Variants in KCNK12 observed in about 807,000 individuals in gnomAD.
KCNK12 encodes potassium two pore domain channel subfamily K member 12, also known as potassium channel subfamily K member 12.
A neutral mutation model predicts 25.3 loss-of-function variants in KCNK12; 6 were observed. That is an observed-to-expected ratio of 0.24 (90% CI 0.13 to 0.47). The LOEUF (loss-of-function observed/expected upper bound fraction) is 0.47, where lower values mean the gene tolerates loss of function less well. Among genes scored for constraint, KCNK12 ranks in the 20% least tolerant of loss-of-function variants. The pLI is 0.99. For synonymous variants in KCNK12, 331 were observed against 311.1 expected (o/e 1.06, Z -0.67); for missense variants, 444 against 661.7 (o/e 0.67, Z 3.61).
intron 1 of KCNK12, among the ~76,000 whole-genome samples, chr2:47,523,027 CTCT>C (rs926079785): frequency 1.3e-5 from 2 of 152,236 alleles, no homozygotes; most frequent in Non-Finnish European, 2.9e-5. Context: ...ACTGCAGCTC[CTCT>C]TCTTTCCTCA....
intron 1 of KCNK12, among the ~76,000 whole-genome samples, chr2:47,558,603 G>A (rs1022427056): frequency 2.6e-5 from 4 of 152,198 alleles, no homozygotes; most frequent in Non-Finnish European, 5.9e-5. Flanking sequence ...GCAGGTCCTG[G>A]TGTTAGCAGC....
chr2:47,568,219 CAAG>C (rs564027904), intron 1 of KCNK12, among the ~76,000 whole-genome samples: 18 of 151,620 alleles, frequency 1.2e-4, no homozygotes, highest in African/African-American at 4.1e-4. Context: ...GGCGTGTTTA[CAAG>C]AAGAAGAGCA....
intron 1 of KCNK12, among the ~76,000 whole-genome samples, chr2:47,536,760 G>A (rs1048551433): frequency 1.3e-5 from 2 of 152,208 alleles, no homozygotes; most frequent in East Asian, 3.8e-4. Context: ...GATTTATGGA[G>A]GACTTAAGGA....
chr2:47,562,843 T>C lies in KCNK12; in HGVS notation c.391+7098A>G, dbSNP rs1396846932. 8.6e-6 allele frequency: 2 copies of C among 232,944 alleles called. No homozygotes were observed. The highest frequency in any genetic ancestry group is 2.2e-5 in the African/African-American group (1 of 45,298). The allele number at this position is 232,944 out of a possible 1,614,324, so 14.4% of individuals were successfully genotyped here. On this transcript the variant is annotated intron_variant, in intron 1 of 1. Transcript: ENST00000327876. This position sits in a 1 kb window ranked among gnomAD's most constrained non-coding sequence, Gnocchi z 4.8. ...TATGACCGTGTCTCTTAAAAAAACT[T>C]TGGTGAGGATCAGAGGCTGGACTCT...
Position 47,521,601 on chromosome 2 carries a change from A to G in KCNK12, c.599T>C (p.Leu200Pro), listed in dbSNP as rs1198593175. Reference sequence around the variant, plus strand: ...GCCCGCCAGGCTGTCGGCCTCCGAGAGCGCGGAGCCGCGGCGGAAGGTGGC... The same window carrying G: ...GCCCGCCAGGCTGTCGGCCTCCGAGGGCGCGGAGCCGCGGCGGAAGGTGGC... ...LPATFRRGSA[L>P]SEADSLAGWK... is the part of the protein sequence containing the mutation. The change falls in exon 2 of 2, where the codon CTC becomes CCC. Residue 200 changes from leucine (L) to proline (P), a missense_variant. Leu to Pro is a moderately conservative substitution (Grantham distance 98). Coordinates refer to ENST00000327876, the MANE Select transcript of KCNK12 (RefSeq NM_022055.2). The G allele has an allele frequency of 6.4e-7, 1 of 1,564,418 alleles. No individual in the cohort carries two copies. Among genetic ancestry groups the G allele is most frequent in the Non-Finnish European group, 8.7e-7 (1 of 1,154,666 alleles).
Position 47,551,805 on chromosome 2 carries a change from T to C in KCNK12, c.391+18136A>G, listed in dbSNP as rs113683915. The stretch of plus-strand genomic sequence containing the variant: ...TTCTAGCCACAGGCTGCACTGTGCA[T>C]AAATCTAGGGGACTACATGGAGTTC... On this transcript the variant is annotated intron_variant, in intron 1 of 1. Transcript: ENST00000327876. The surrounding 1 kb of genome is among the most constrained non-coding windows in gnomAD (Gnocchi z 5.3). 0.011 allele frequency among the ~76,000 whole-genome samples: 1,683 copies of C among 152,342 alleles called. 14 individuals carry two copies. Among genetic ancestry groups the C allele is most frequent in the African/African-American group, 0.025 (1,051 of 41,578 alleles).
Position 47,570,140 on chromosome 2 carries a change from G to T in KCNK12, c.192C>A (p.Gly64=), listed in dbSNP as rs372511487. The T allele has an allele frequency of 1.4e-6, 2 of 1,452,880 alleles. No homozygotes were observed. The highest frequency in any genetic ancestry group is 2.6e-5 in the South Asian group (2 of 75,640). 90.0% of individuals were successfully genotyped at this position (1,452,880 alleles called of 1,614,324 possible). The change falls in exon 1 of 2, where the codon GGC becomes GGA. Residue 64 remains glycine (G), a synonymous_variant. Coordinates refer to ENST00000327876, the MANE Select transcript of KCNK12 (RefSeq NM_022055.2). Reference sequence around the variant, plus strand: ...CCCAGCGCGCCCGCGCCTCCGCCTCGCCGGGGCTCTCGAGCGCCGAGAAGA... The same window carrying T: ...CCCAGCGCGCCCGCGCCTCCGCCTCTCCGGGGCTCTCGAGCGCCGAGAAGA... ...ATVFSALESP[G]EAEARARWGA...
Position 47,512,460 on chromosome 2 carries a change from A to G in KCNK12, c.*8447T>C, listed in dbSNP as rs1438663834. ...CCTGGTGTCTGTTGCCTTCTGGTTAAGTTTTTCATTTGTAATTCTACAAAC... is the reference window on the plus strand; with the variant it reads ...CCTGGTGTCTGTTGCCTTCTGGTTAGGTTTTTCATTTGTAATTCTACAAAC... On this transcript the variant is annotated 3_prime_UTR_variant, in exon 2 of 2. Coordinates refer to ENST00000327876, the MANE Select transcript of KCNK12 (RefSeq NM_022055.2). The G allele has an allele frequency of 1.3e-6, 2 of 1,564,314 alleles. No individual in the cohort carries two copies. Among genetic ancestry groups the G allele is most frequent in the Non-Finnish European group, 1.7e-6 (2 of 1,155,986 alleles).
Position 47,538,402 on chromosome 2 carries a change from G to C in KCNK12, c.392-16594C>G, listed in dbSNP as rs1009523585. Reference sequence around the variant, plus strand: ...GGAACGGATGTTTGATAAAGGACTAGGGTAAGAGTGTTTCAGGCTAGTCAA... The same window carrying C: ...GGAACGGATGTTTGATAAAGGACTACGGTAAGAGTGTTTCAGGCTAGTCAA... On this transcript the variant is annotated intron_variant, in intron 1 of 1. Coordinates refer to ENST00000327876, the MANE Select transcript of KCNK12 (RefSeq NM_022055.2). This position sits in a 1 kb window ranked among gnomAD's most constrained non-coding sequence, Gnocchi z 4.5. Among the ~76,000 whole-genome samples the C allele has an allele frequency of 1.3e-5, 2 of 152,160 alleles. No homozygotes were observed. The highest frequency in any genetic ancestry group is 2.9e-5 in the Non-Finnish European group (2 of 68,040).
In KCNK12 at chr2:47,570,041, G is replaced by A; in HGVS notation, c.291C>T (p.Tyr97=). The A allele has an allele frequency of 2.1e-6, 3 of 1,420,136 alleles. No homozygotes were observed. The highest frequency in any genetic ancestry group is 2.8e-6 in the Non-Finnish European group (3 of 1,087,230). The allele number at this position is 1,420,136 out of a possible 1,614,324, so 88.0% of individuals were successfully genotyped here. ...EPELRAFLRH[Y]EAALAAGVRA... is the part of the protein sequence containing the mutation. ...GGACGCCGGCGGCCAGCGCGGCCTC[G>A]TAGTGCCGGAGGAAGGCGCGCAGCT... Residue 97 remains tyrosine, a synonymous_variant, in exon 1 of 2, where the codon TAC becomes TAT. Coordinates refer to ENST00000327876, the MANE Select transcript of KCNK12 (RefSeq NM_022055.2).
Position 47,520,399 on chromosome 2 carries a change from A to T in KCNK12, c.*508T>A, listed in dbSNP as rs927891476. 6.6e-6 allele frequency: 1 copy of T among 152,494 alleles called. No homozygotes were observed. Among genetic ancestry groups the T allele is most frequent in the Non-Finnish European group, 1.5e-5 (1 of 68,276 alleles). 9.4% of individuals were successfully genotyped at this position (152,494 alleles called of 1,614,324 possible). On this transcript the variant is annotated 3_prime_UTR_variant, in exon 2 of 2. Coordinates refer to ENST00000327876, the MANE Select transcript of KCNK12 (RefSeq NM_022055.2). This position sits in a 1 kb window ranked among gnomAD's most constrained non-coding sequence, Gnocchi z 5.0. ...TGTGTAGTGGCTGTTCTATATATAT[A>T]CATCGGGAGGCAACATATGGCTGTC... is the stretch of plus-strand genomic sequence containing the variant.
rs948970812 is a variant in KCNK12 at position 47,548,149 on chromosome 2, G to A, written c.391+21792C>T. Among the ~76,000 whole-genome samples, 1 of 152,150 alleles carries A rather than the reference G, an allele frequency of 6.6e-6. No individual in the cohort carries two copies. Among genetic ancestry groups the A allele is most frequent in the African/African-American group, 2.4e-5 (1 of 41,436 alleles). On this transcript the variant is annotated intron_variant, in intron 1 of 1. Transcript: ENST00000327876. The surrounding 1 kb of genome is among the most constrained non-coding windows in gnomAD (Gnocchi z 4.4). ...TGAGGCCTCTCCTGCCAAGCTTCCT[G>A]TAGCTTGCAGAACCGTAAGCCAATT...
chr2:47,531,096 T>G (rs550505264), intron 1 of KCNK12, among the ~76,000 whole-genome samples: 1 of 152,286 alleles, frequency 6.6e-6, no homozygotes, highest in East Asian at 1.9e-4. Context: ...CAGACCAGTT[T>G]AGGTCAACAT....
Position 47,565,937 on chromosome 2 carries a change from A to G in KCNK12, c.391+4004T>C, listed in dbSNP as rs768085723. ...TTGTCTTAGATGTTTTTTAATTGGC[A>G]GAATGAATAAATGGATACATTCACA... On this transcript the variant is annotated intron_variant, in intron 1 of 1. Coordinates refer to ENST00000327876, the MANE Select transcript of KCNK12 (RefSeq NM_022055.2). This position sits in a 1 kb window ranked among gnomAD's most constrained non-coding sequence, Gnocchi z 5.0. 4.6e-5 allele frequency: 7 copies of G among 152,256 alleles called. No homozygotes were observed. The highest frequency in any genetic ancestry group is 1.0e-4 in the Non-Finnish European group (7 of 68,044). The allele number at this position is 152,256 out of a possible 1,614,324, so 9.4% of individuals were successfully genotyped here.
At position 47,521,300 on chromosome 2, in the gene KCNK12, G is replaced by A. The variant is rs367558307; in HGVS notation, c.900C>T (p.Ile300=). 44 of 1,613,030 alleles carry A rather than the reference G, an allele frequency of 2.7e-5. No homozygotes were observed. The highest frequency in any genetic ancestry group is 3.3e-5 in the Admixed American group (2 of 59,948). ...CIYSLFNVIS[I]LIKQVLNWML... ...TCCAGTTGAGCACCTGCTTGATGAG[G>A]ATGGAGATGACGTTGAAGAGCGAGT... The change falls in exon 2 of 2, where the codon ATC becomes ATT. Residue 300 remains isoleucine, a synonymous_variant. Transcript: ENST00000327876.
At chr2:47,539,167 A>G (rs1161327536) in intron 1 of KCNK12, among the ~76,000 whole-genome samples, 1 of 152,228 alleles carries the variant, frequency 6.6e-6, no homozygotes, top group Non-Finnish European at 1.5e-5. Context: ...AGGGAAACTG[A>G]ATCCAGGATA....
At position 47,510,320 on chromosome 2, in the gene KCNK12, T is replaced by G. The variant is rs1668370633; in HGVS notation, c.*10587A>C. The G allele has an allele frequency of 6.6e-6, 1 of 152,212 alleles. No individual in the cohort carries two copies. Among genetic ancestry groups the G allele is most frequent in the Non-Finnish European group, 1.5e-5 (1 of 68,042 alleles). The allele number at this position is 152,212 out of a possible 1,614,324, so 9.4% of individuals were successfully genotyped here. ...AGACCACCTGCTCCAGAGTTCTGGT[T>G]ATGGTAATGAAATAAACCTTGATTT... On this transcript the variant is annotated 3_prime_UTR_variant, in exon 2 of 2. Coordinates refer to ENST00000327876, the MANE Select transcript of KCNK12 (RefSeq NM_022055.2).
chr2:47,541,534 C>G (rs78693348), intron 1 of KCNK12, among the ~76,000 whole-genome samples: 6,199 of 152,106 alleles, frequency 0.041, 364 homozygotes, highest in African/African-American at 0.13. Flanking sequence ...GGCCCCTGTT[C>G]TGCACTGAAC....
In KCNK12 at chr2:47,560,931, T is replaced by A. The variant is rs1029185737; in HGVS notation, c.391+9010A>T. Among the ~76,000 whole-genome samples, 1 of 151,814 alleles carries A rather than the reference T, an allele frequency of 6.6e-6. No individual in the cohort carries two copies. ...GGGAGGCTTCTGCCTGGGAAGGGGG[T>A]CCCGGTGCTTCCTCCACCCACCAGG... is the stretch of plus-strand genomic sequence containing the variant. On this transcript the variant is annotated intron_variant, in intron 1 of 1. Transcript: ENST00000327876. The surrounding 1 kb of genome is among the most constrained non-coding windows in gnomAD (Gnocchi z 4.7).
Sources: gnomAD v4.1 joint callset for allele counts (sites outside exome capture counted in the v4.1 genomes callset) on GRCh38, gnomAD v4.1.1 for gene constraint, Gnocchi (gnomAD v3.1) non-coding constraint, MANE v1.5 for transcripts, NCBI Gene and HGNC (gene_info 2026-07-23, HGNC 2026-07-21) for gene names.